The following IFT88 variants were observed in gnomAD, a reference collection of about 807,000 sequenced individuals.
The protein encoded by IFT88 is intraflagellar transport 88.
A neutral mutation model predicts 119.5 loss-of-function variants in IFT88; 74 were observed. That is an observed-to-expected ratio of 0.62 (90% CI 0.51 to 0.75). The LOEUF (loss-of-function observed/expected upper bound fraction) is 0.75. Among genes scored for constraint, IFT88 ranks in the 30% least tolerant of loss-of-function variants. The pLI is 0.00. For missense variants in IFT88, 961 were observed against 977.7 expected (o/e 0.98, Z 0.23); for synonymous variants, 279 against 316.7 (o/e 0.88, Z 1.26).
chr13:20,574,883 C>T (rs2037073046), intron 2 of IFT88, among the ~76,000 whole-genome samples: 1 of 152,106 alleles, frequency 6.6e-6, no homozygotes, highest in Admixed American at 6.5e-5. Context: ...TATTTTGATA[C>T]AGGCATACAA....
chr13:20,614,440 G>A (rs2045235016), intron 13 of IFT88: 2 of 152,234 alleles, frequency 1.3e-5, no homozygotes, highest in South Asian at 4.2e-4. Flanking sequence ...CTGAAGGGAA[G>A]TATACTGTGC....
At chr13:20,574,756 C>T (rs1401063005) in intron 2 of IFT88, among the ~76,000 whole-genome samples, 2 of 152,048 alleles carry the variant, frequency 1.3e-5, no homozygotes, top group African/African-American at 4.8e-5. Context: ...ACTTAGATCA[C>T]CTGAAAGTAT....
intron 2 of IFT88, among the ~76,000 whole-genome samples, chr13:20,582,750 T>C (rs2038947273): frequency 1.3e-5 from 2 of 152,200 alleles, no homozygotes; most frequent in South Asian, 4.1e-4. Context: ...TTGACTAACA[T>C]GACCGGTACT....
intron 24 of IFT88, among the ~76,000 whole-genome samples, chr13:20,690,188 A>G (rs977907998): frequency 2.0e-5 from 3 of 152,338 alleles, no homozygotes; most frequent in African/African-American, 2.4e-5. Flanking sequence ...TGAGGCTTAC[A>G]TAATAGAAAA....
At chr13:20,664,712 G>A (rs575956795) in intron 23 of IFT88, among the ~76,000 whole-genome samples, 10 of 152,086 alleles carry the variant, frequency 6.6e-5, no homozygotes, top group African/African-American at 2.4e-4. Flanking sequence ...ATATGAAAAA[G>A]GAAGAGAAAA....
intron 24 of IFT88, among the ~76,000 whole-genome samples, chr13:20,680,318 A>G (rs1211656562): frequency 6.6e-6 from 1 of 152,198 alleles, no homozygotes; most frequent in Non-Finnish European, 1.5e-5. Context: ...GATATTCATA[A>G]TAGTTCCTTC....
intron 24 of IFT88, among the ~76,000 whole-genome samples, chr13:20,685,181 A>G (rs2057761367): frequency 6.6e-6 from 1 of 152,236 alleles, no homozygotes. Context: ...TATCTGCAGC[A>G]AAAACACGTT....
chr13:20,594,601 A>G (rs1438226999), intron 7 of IFT88, among the ~76,000 whole-genome samples: 1 of 152,212 alleles, frequency 6.6e-6, no homozygotes, highest in Non-Finnish European at 1.5e-5. Flanking sequence ...GTTCTCTTAC[A>G]GATTTTTAAG....
At chr13:20,597,775 T>A (rs2041997876) in intron 9 of IFT88, among the ~76,000 whole-genome samples, 1 of 142,802 alleles carries the variant, frequency 7.0e-6, no homozygotes, top group African/African-American at 2.6e-5. Flanking sequence ...ATATATTTTT[T>A]TTTTGATAAC....
chr13:20,668,915 C>T (rs1180154385), intron 23 of IFT88, among the ~76,000 whole-genome samples: 1 of 152,138 alleles, frequency 6.6e-6, no homozygotes, highest in Non-Finnish European at 1.5e-5. Flanking sequence ...GTGGTGTCTA[C>T]GAGAAGTGAG....
intron 13 of IFT88, among the ~76,000 whole-genome samples, chr13:20,609,267 A>G (rs971275601): frequency 6.6e-6 from 1 of 152,210 alleles, no homozygotes; most frequent in Non-Finnish European, 1.5e-5. Flanking sequence ...AGAAGCTTCA[A>G]AATGGACACA....
intron 5 of IFT88, 142 bp downstream of exon 5, chr13:20,591,162 G>A (rs916642922): frequency 1.6e-6 from 1 of 641,488 alleles, no homozygotes; most frequent in Non-Finnish European, 2.7e-6. Context: ...TTAAATTGTG[G>A]GCTAAAGTCT....
chr13:20,569,875 A>G (rs965117794), intron 1 of IFT88, among the ~76,000 whole-genome samples: 7 of 151,470 alleles, frequency 4.6e-5, no homozygotes, highest in Non-Finnish European at 8.8e-5. Context: ...AAAAATAAAA[A>G]TAAAAATAAA....
intron 13 of IFT88, among the ~76,000 whole-genome samples, chr13:20,609,266 A>C (rs576041674): frequency 3.9e-5 from 6 of 152,350 alleles, no homozygotes; most frequent in African/African-American, 1.2e-4. Flanking sequence ...GAGAAGCTTC[A>C]AAATGGACAC....
At chr13:20,676,880 A>G (rs972891541) in intron 24 of IFT88, among the ~76,000 whole-genome samples, 2 of 152,234 alleles carry the variant, frequency 1.3e-5, no homozygotes, top group South Asian at 4.1e-4. Flanking sequence ...ATGCATGCAT[A>G]TATCCTATCT....
chr13:20,582,364 T>C (rs9579899), intron 2 of IFT88, among the ~76,000 whole-genome samples: 12,114 of 152,210 alleles, frequency 0.08, 573 homozygotes, highest in African/African-American at 0.1. Flanking sequence ...TACTGAGATG[T>C]TGATTCCAAA....
At chr13:20,643,052 T>A (rs2050209883) in intron 18 of IFT88, among the ~76,000 whole-genome samples, 2 of 151,048 alleles carry the variant, frequency 1.3e-5, no homozygotes, top group African/African-American at 2.4e-5. Context: ...GTCCTTGGGT[T>A]TATAATCTAA....
intron 16 of IFT88, among the ~76,000 whole-genome samples, chr13:20,637,852 G>A (rs2049255858): frequency 6.6e-6 from 1 of 152,186 alleles, no homozygotes; most frequent in African/African-American, 2.4e-5. Context: ...TAAGAACAGA[G>A]AGGTTCCTGT....
rs1415534619 is a variant in IFT88, at chr13:20,592,354, T to C, written c.348T>C (p.Leu116=). The change falls in exon 7 of 26, where the codon CTT becomes CTC. Residue 116 remains leucine (L), a synonymous_variant. Coordinates refer to ENST00000351808, the MANE Select transcript of IFT88 (RefSeq NM_006531.5). ...TCTCAGGCTCTGCATTTGACCCCCT[T>C]AGTCAGTCAAGGGGCCCTGCTTCCC... The part of the protein sequence containing the change: ...AALRGSAFDP[L]SQSRGPASPL... The C allele has an allele frequency of 1.2e-6, 2 of 1,611,464 alleles. No individual in the cohort carries two copies. The highest frequency in any genetic ancestry group is 3.4e-5 in the Admixed American group (2 of 59,482).
Sources: allele counts gnomAD v4.1 joint callset (sites outside exome capture counted in the v4.1 genomes callset), GRCh38; gene constraint gnomAD v4.1.1; transcripts MANE v1.5; gene names NCBI Gene and HGNC (gene_info 2026-07-23, HGNC 2026-07-21).